AFF3: variants seen among roughly 807,000 people sequenced by gnomAD.
AFF3 encodes the protein AF4/FMR2 family member 3.
Under a neutral mutation model 129.7 loss-of-function variants are expected in AFF3, and 32 were observed. The observed-to-expected ratio is 0.25, with a 90% CI of 0.19 to 0.33. The LOEUF (loss-of-function observed/expected upper bound fraction) is 0.33, where lower values mean the gene tolerates loss of function less well. Among genes scored for constraint, AFF3 ranks in the 10% least tolerant of loss-of-function variants. The probability of loss-of-function intolerance (pLI) is 1.00; values close to 1 mark genes in which losing one functional copy is unlikely to be tolerated. For synonymous variants in AFF3, 644 were observed against 635.4 expected, an observed-to-expected ratio of 1.01 and a Z score of -0.20; for missense variants, 1,373 against 1,592.0, an observed-to-expected ratio of 0.86 and a Z score of 2.34.
chr2:99,914,838 T>C (rs1695360480), intron 7 of AFF3, among the ~76,000 whole-genome samples: 1 of 152,050 alleles, frequency 6.6e-6, no homozygotes, highest in East Asian at 1.9e-4. Flanking sequence ...GAGAATCGCT[T>C]GAACCCAGGA....
chr2:100,105,312 C>T, intron 3 of AFF3, 192 bp downstream of exon 3: 1 of 1,196,690 alleles, frequency 8.4e-7, no homozygotes, highest in South Asian at 1.5e-5. Context: ...GCTGTGCCGC[C>T]CGCAGCAGCG....
chr2:99,564,982 T>C (rs1232292250), intron 20 of AFF3, among the ~76,000 whole-genome samples: 1 of 152,168 alleles, frequency 6.6e-6, no homozygotes, highest in Non-Finnish European at 1.5e-5. Flanking sequence ...CCTTGACACG[T>C]CTGCTCACAG....
intron 7 of AFF3, among the ~76,000 whole-genome samples, chr2:99,986,873 T>A (rs1292287305): frequency 6.6e-6 from 1 of 152,176 alleles, no homozygotes; most frequent in Non-Finnish European, 1.5e-5. Flanking sequence ...GTGGAGTAAC[T>A]AGGAAGGCAT....
intron 4 of AFF3, among the ~76,000 whole-genome samples, chr2:100,028,364 T>C (rs1362699684): frequency 6.6e-6 from 1 of 152,152 alleles, no homozygotes; most frequent in Admixed American, 6.5e-5. Flanking sequence ...CATCAGAGAA[T>C]TGTATGTAAG....
chr2:99,565,636 G>A lies in AFF3; in HGVS notation c.2983-13C>T. ...CAAACTTTTCCACCTGATCAACAGA[G>A]TTAATACAGTGTCTTCCTAAACAAT... On this transcript the variant is annotated splice_polypyrimidine_tract_variant and intron_variant, in intron 19 of 24. Coordinates refer to ENST00000672756, the MANE Select transcript of AFF3 (RefSeq NM_001386135.1). The A allele has an allele frequency of 1.9e-6, 3 of 1,609,972 alleles. No individual in the cohort carries two copies. Among genetic ancestry groups the A allele is most frequent in the Non-Finnish European group, 2.5e-6 (3 of 1,176,604 alleles).
At chr2:100,042,279 C>T (rs938696344) in intron 4 of AFF3, among the ~76,000 whole-genome samples, 1 of 152,244 alleles carries the variant, frequency 6.6e-6, no homozygotes, top group Admixed American at 6.5e-5. Context: ...GCAGCCACCC[C>T]AGCGAGTGCT....
chr2:99,999,681 G>A (rs1681203044), intron 7 of AFF3, among the ~76,000 whole-genome samples: 1 of 152,212 alleles, frequency 6.6e-6, no homozygotes, highest in African/African-American at 2.4e-5. Flanking sequence ...TGAGGGCTAT[G>A]TGCCAGCCAC....
At chr2:99,826,679 G>T (rs943970174) in intron 8 of AFF3, among the ~76,000 whole-genome samples, 22 of 152,126 alleles carry the variant, frequency 1.4e-4, no homozygotes, top group Admixed American at 1.4e-3. Flanking sequence ...AGTGTGAGGG[G>T]CAACGTGGTG....
At chr2:99,765,061 T>C (rs1410789518) in intron 8 of AFF3, among the ~76,000 whole-genome samples, 1 of 152,180 alleles carries the variant, frequency 6.6e-6, no homozygotes, top group African/African-American at 2.4e-5. Flanking sequence ...GTGAGCCAAA[T>C]TTCTGATCAG....
At chr2:99,805,813 T>C (rs1385592765) in intron 8 of AFF3, among the ~76,000 whole-genome samples, 9 of 142,830 alleles carry the variant, frequency 6.3e-5, no homozygotes, top group South Asian at 2.4e-4. Context: ...GCAGGAGTCT[T>C]ACACACACAC....
At chr2:99,706,270 G>A (rs1677374407) in intron 11 of AFF3, among the ~76,000 whole-genome samples, 1 of 152,178 alleles carries the variant, frequency 6.6e-6, no homozygotes, top group Non-Finnish European at 1.5e-5. Flanking sequence ...ATAGTCAGGG[G>A]ACTGGTTTGG....
intron 14 of AFF3, among the ~76,000 whole-genome samples, chr2:99,596,094 G>A (rs79939129): frequency 1.8e-4 from 28 of 152,346 alleles, no homozygotes; most frequent in African/African-American, 5.5e-4. Context: ...GGTCTTTGAC[G>A]TGACATTTTT....
At chr2:99,969,999 C>A (rs754656862) in intron 7 of AFF3, among the ~76,000 whole-genome samples, 1 of 152,194 alleles carries the variant, frequency 6.6e-6, no homozygotes, top group Non-Finnish European at 1.5e-5. Context: ...TAGCAGTTCT[C>A]TGTGCTGCTC....
intron 11 of AFF3, among the ~76,000 whole-genome samples, chr2:99,685,692 A>G (rs1210766824): frequency 1.3e-5 from 2 of 152,218 alleles, no homozygotes; most frequent in Non-Finnish European, 2.9e-5. Context: ...CAAGAAAAAA[A>G]ATTCCTGTGA....
chr2:99,932,147 C>T (rs2106304636), intron 7 of AFF3, among the ~76,000 whole-genome samples: 1 of 152,298 alleles, frequency 6.6e-6, no homozygotes, highest in Non-Finnish European at 1.5e-5. Flanking sequence ...GCCAGGATGG[C>T]TTTGAATACG....
intron 7 of AFF3, among the ~76,000 whole-genome samples, chr2:99,898,718 G>A (rs940278500): frequency 2.6e-5 from 4 of 152,088 alleles, no homozygotes; most frequent in Non-Finnish European, 4.4e-5. Flanking sequence ...AGCCTCTTGC[G>A]GCCACCCACT....
At chr2:99,571,292 AT>A (rs144133092) in intron 18 of AFF3, among the ~76,000 whole-genome samples, 38 of 148,858 alleles carry the variant, frequency 2.6e-4, no homozygotes, top group East Asian at 1.4e-3. Context: ...AAGTTAGGTC[AT>A]TTTTTTTTTC....
chr2:99,570,469 T>A (rs2104686810), intron 18 of AFF3, among the ~76,000 whole-genome samples: 1 of 152,294 alleles, frequency 6.6e-6, no homozygotes, highest in East Asian at 1.9e-4. Flanking sequence ...CCCAGGTAGC[T>A]GGGACTACAG....
intron 4 of AFF3, 29 bp from the exon 5 acceptor site, chr2:100,008,961 C>G: frequency 6.2e-7 from 1 of 1,610,776 alleles, no homozygotes; most frequent in Non-Finnish European, 8.5e-7. Context: ...GAGAGAACAA[C>G]CACACACACA....
Sources: gnomAD v4.1 joint callset for allele counts (sites outside exome capture counted in the v4.1 genomes callset) on GRCh38, gnomAD v4.1.1 for gene constraint, MANE v1.5 for transcripts, NCBI Gene and HGNC (gene_info 2026-07-23, HGNC 2026-07-21) for gene names.